The following S100Z variants were observed in gnomAD, a reference collection of about 807,000 sequenced individuals.
S100Z encodes S100 calcium binding protein Z, also known as protein S100-Z.
Under a neutral mutation model 8.5 loss-of-function variants are expected in S100Z, and 11 were observed. That is an observed-to-expected ratio of 1.30 (90% CI 0.82 to 2.15). The LOEUF (loss-of-function observed/expected upper bound fraction) is 2.15, where lower values mean the gene tolerates loss of function less well. Among genes scored for constraint, S100Z ranks in the 30% most tolerant of loss-of-function variants. S100Z has a pLI of 0.00. For missense variants in S100Z, 126 were observed against 117.9 expected (o/e 1.07, Z -0.32); for synonymous variants, 34 against 43.8 (o/e 0.78, Z 0.89).
At chr5:76,862,793 C>A (rs1751100657) in intron 1 of S100Z, among the ~76,000 whole-genome samples, 1 of 152,040 alleles carries the variant, frequency 6.6e-6, no homozygotes, top group Non-Finnish European at 1.5e-5. Flanking sequence ...CAGAGTGAGA[C>A]TTGTGACCCC....
At chr5:76,908,115 G>C (rs1379459221) in intron 4 of S100Z, among the ~76,000 whole-genome samples, 1 of 152,172 alleles carries the variant, frequency 6.6e-6, no homozygotes, top group African/African-American at 2.4e-5. Context: ...CTGGGCAACA[G>C]AGTGAGACCC....
At chr5:76,867,584 C>CTTTT (rs57865301) in intron 1 of S100Z, among the ~76,000 whole-genome samples, 3 of 144,388 alleles carry the variant, frequency 2.1e-5, no homozygotes, top group Admixed American at 6.9e-5. Flanking sequence ...ATCATCCTTA[C>CTTTT]TTTTTTTTTT....
intron 4 of S100Z, among the ~76,000 whole-genome samples, chr5:76,916,497 A>G (rs920263391): frequency 2.0e-5 from 3 of 151,592 alleles, no homozygotes; most frequent in Non-Finnish European, 4.4e-5. Context: ...TCATGTGCCC[A>G]CAGTACATAT....
At chr5:76,917,970 A>G (rs553030445) in intron 4 of S100Z, among the ~76,000 whole-genome samples, 23 of 152,186 alleles carry the variant, frequency 1.5e-4, no homozygotes, top group Non-Finnish European at 1.8e-4. Context: ...TAGTTCTACA[A>G]TGACAATCTT....
chr5:76,881,558 T>C (rs774428014), intron 4 of S100Z, among the ~76,000 whole-genome samples: 9 of 152,106 alleles, frequency 5.9e-5, no homozygotes, highest in Non-Finnish European at 1.0e-4. Context: ...CAGATTTCCA[T>C]GATGGAAAGG....
intron 4 of S100Z, among the ~76,000 whole-genome samples, chr5:76,899,265 A>G (rs961591008): frequency 1.3e-5 from 2 of 152,130 alleles, no homozygotes; most frequent in Non-Finnish European, 2.9e-5. Context: ...CTTGTAGACA[A>G]TAGATCAATG....
the S100Z span, among the ~76,000 whole-genome samples, chr5:76,928,484 C>G: frequency 2.6e-5 from 4 of 152,122 alleles, no homozygotes; most frequent in African/African-American, 9.7e-5. Context: ...TTGTATGGAG[C>G]AGGGGTGAGC....
chr5:76,942,433 C>CAA, the S100Z span, among the ~76,000 whole-genome samples: 8 of 113,230 alleles, frequency 7.1e-5, no homozygotes, highest in African/African-American at 2.2e-4. Flanking sequence ...TTATATTGGC[C>CAA]AAAAAAAAAA....
Position 76,892,651 on chromosome 5 carries a change from A to C in S100Z, c.*2+14817A>C, listed in dbSNP as rs533602638. Among the ~76,000 whole-genome samples, 10 of 151,998 alleles carry C rather than the reference A, an allele frequency of 6.6e-5. No homozygotes were observed. In the East Asian group the frequency reaches 1.7e-3, roughly 27 times the overall value. On this transcript the variant is annotated intron_variant, in intron 4 of 4. Coordinates refer to ENST00000317593, the MANE Select transcript of S100Z (RefSeq NM_130772.4). ...AAGAGTGGGCAGTCAGGGAAAGAAGAAAGAAAAAAAAAGGCAGGGGCAGGA... is the reference window on the plus strand; with the variant it reads ...AAGAGTGGGCAGTCAGGGAAAGAAGCAAGAAAAAAAAAGGCAGGGGCAGGA...
At chr5:76,920,590 G>A (rs1745006935) in intron 4 of S100Z, 127 bp from the exon 5 acceptor site, 1 of 152,200 alleles carries the variant, frequency 6.6e-6, no homozygotes, top group African/African-American at 2.4e-5. Context: ...AGCAGAAATA[G>A]TCACAGCAGA....
At chr5:76,896,926 C>A (rs536850900) in intron 4 of S100Z, among the ~76,000 whole-genome samples, 2 of 152,128 alleles carry the variant, frequency 1.3e-5, no homozygotes, top group African/African-American at 4.8e-5. Flanking sequence ...CTTAAATATT[C>A]TGATTATTAA....
chr5:76,869,608 G>A (rs1742929428), intron 1 of S100Z, among the ~76,000 whole-genome samples: 1 of 152,148 alleles, frequency 6.6e-6, no homozygotes, highest in Non-Finnish European at 1.5e-5. Flanking sequence ...TGAGAATGGA[G>A]GGGCATGGTA....
chr5:76,877,902 G>A (rs1320307), intron 4 of S100Z, 68 bp downstream of exon 4: 31 of 1,041,788 alleles, frequency 3.0e-5, no homozygotes, highest in East Asian at 4.8e-5. Context: ...CATTTATACC[G>A]TTCAGATCTA....
chr5:76,924,933 T>C (rs1745111619), downstream of S100Z, among the ~76,000 whole-genome samples: 1 of 151,890 alleles, frequency 6.6e-6, no homozygotes. Flanking sequence ...AAAAGATACA[T>C]TTATGATCTC....
In S100Z at chr5:76,921,131, T is replaced by C. The variant is rs1409909466; in HGVS notation, c.*417T>C. On this transcript the variant is annotated 3_prime_UTR_variant, in exon 5 of 5. Coordinates refer to ENST00000317593, the MANE Select transcript of S100Z (RefSeq NM_130772.4). Reference sequence around the variant, plus strand: ...TTCATTCGAATTTTCCCTAGGTCCATGTATCTATATATCTATGGTTCATAA... The same window carrying C: ...TTCATTCGAATTTTCCCTAGGTCCACGTATCTATATATCTATGGTTCATAA... 6.6e-6 allele frequency: 1 copy of C among 152,246 alleles called. No homozygotes were observed. The highest frequency in any genetic ancestry group is 2.4e-5 in the African/African-American group (1 of 41,470). 9.4% of individuals were successfully genotyped at this position (152,246 alleles called of 1,614,324 possible). A position where few individuals can be genotyped will look rare whatever the true frequency, so the allele number is the denominator to read the frequency against.
the S100Z span, among the ~76,000 whole-genome samples, chr5:76,928,150 G>A: frequency 6.6e-6 from 1 of 152,116 alleles, no homozygotes; most frequent in South Asian, 2.1e-4. Context: ...TGAAACAAAG[G>A]GTCTAGTTCA....
intron 4 of S100Z, among the ~76,000 whole-genome samples, chr5:76,908,192 T>C (rs575263660): frequency 6.6e-6 from 1 of 152,260 alleles, no homozygotes; most frequent in South Asian, 2.1e-4. Flanking sequence ...TTGGGAACAT[T>C]GGTTTACCTG....
chr5:76,850,701 G>T (rs1750704264), intron 1 of S100Z, among the ~76,000 whole-genome samples: 1 of 152,210 alleles, frequency 6.6e-6, no homozygotes, highest in Admixed American at 6.5e-5. Flanking sequence ...TGGACAATCA[G>T]CCCTGGAATG....
chr5:76,950,818 A>G, the S100Z span, among the ~76,000 whole-genome samples: 4 of 152,210 alleles, frequency 2.6e-5, no homozygotes, highest in African/African-American at 9.6e-5. Context: ...GTCCATGAAA[A>G]TAATTTATCC....
Sources: allele counts gnomAD v4.1 joint callset (sites outside exome capture counted in the v4.1 genomes callset), GRCh38; gene constraint gnomAD v4.1.1; transcripts MANE v1.5; gene names NCBI Gene and HGNC (gene_info 2026-07-23, HGNC 2026-07-21).